Variants in F12 observed in about 807,000 individuals in gnomAD.
The protein encoded by F12 is Hageman factor.
A neutral mutation model predicts 74.8 loss-of-function variants in F12; 70 were observed. That is an observed-to-expected ratio of 0.94 (90% confidence interval 0.77 to 1.14). F12 has a LOEUF of 1.14. Among genes scored for constraint, F12 ranks in the 50% most tolerant of loss-of-function variants. The pLI, the probability that F12 is intolerant of heterozygous loss-of-function variation, is 0.00. For missense variants in F12, 811 were observed against 835.7 expected (o/e 0.97, Z 0.36); for synonymous variants, 373 against 356.4 (o/e 1.05, Z -0.52).
At chr5:177,406,458 C>T (rs1581659735) in intron 2 of F12, among the ~76,000 whole-genome samples, 1 of 151,934 alleles carries the variant, frequency 6.6e-6, no homozygotes, top group Non-Finnish European at 1.5e-5. Flanking sequence ...CACTGCACTC[C>T]AGCCTGGGTG....
rs776218268 is a variant in F12, at chr5:177,403,461, C to T, written c.1387+20G>A. Reference sequence around the variant, plus strand: ...GGGCCCCAAGCTCTCTTCCCGTCCCCGCGGGGCGCCCCCACGCACCCAGGT... The same window carrying T: ...GGGCCCCAAGCTCTCTTCCCGTCCCTGCGGGGCGCCCCCACGCACCCAGGT... On this transcript the variant is annotated intron_variant, in intron 11 of 13. Coordinates refer to ENST00000253496, the MANE Select transcript of F12 (RefSeq NM_000505.4). The T allele has an allele frequency of 1.3e-6, 2 of 1,558,408 alleles. No individual in the cohort carries two copies. Among genetic ancestry groups the T allele is most frequent in the African/African-American group, 1.4e-5 (1 of 73,770 alleles).
intron 9 of F12, 40 bp downstream of exon 9, chr5:177,404,156 G>T: frequency 6.3e-7 from 1 of 1,577,388 alleles, no homozygotes. Context: ...AGCTCGCCCG[G>T]CGCCCTCTCG....
Position 177,403,596 on chromosome 5 carries a change from C to G in F12, c.1272G>C (p.Thr424=), listed in dbSNP as rs61737766. The G allele has an allele frequency of 8.7e-4, 1,404 of 1,605,790 alleles. 7 individuals are homozygous for G. The African/African-American group carries it at 0.016, about 18-fold the overall frequency. ...TACGGCGTTCCTGGCCGAGCACCACCGTCAGATCCTCGGGTGCGGGCCTGC... is the reference window on the plus strand; with the variant it reads ...TACGGCGTTCCTGGCCGAGCACCACGGTCAGATCCTCGGGTGCGGGCCTGC... ...LQDRPAPEDL[T]VVLGQERRNH... Residue 424 remains threonine, a synonymous_variant, in exon 11 of 14, where the codon ACG becomes ACC. Transcript: ENST00000253496.
intron 3 of F12, 63 bp downstream of exon 3, chr5:177,405,899 C>A: frequency 6.3e-7 from 1 of 1,597,430 alleles, no homozygotes; most frequent in Non-Finnish European, 8.6e-7. Context: ...GTTCCTTGGA[C>A]AGAAGGACAG....
In F12 at chr5:177,406,033, G is replaced by A. The variant is rs1581659212; in HGVS notation, c.144C>T (p.His48=). Residue 48 remains histidine (H), a synonymous_variant, in exon 3 of 14, where the codon CAC becomes CAT. Coordinates refer to ENST00000253496, the MANE Select transcript of F12 (RefSeq NM_000505.4). ...GCTGCCGGTGGTACTGGAAGGGGAA[G>A]TGGCAGGGCTCCCCGGTGACAGTGA... is the stretch of plus-strand genomic sequence containing the variant. ...VVLTVTGEPC[H]FPFQYHRQLY... is the part of the protein sequence containing the mutation. 1 of 1,614,116 alleles carries A rather than the reference G, an allele frequency of 6.2e-7. No individual in the cohort carries two copies.
intron 2 of F12, 135 bp from the exon 3 acceptor site, chr5:177,406,196 G>C: frequency 1.2e-6 from 1 of 848,730 alleles, no homozygotes; most frequent in South Asian, 1.4e-5. Context: ...TGCTCTAAAA[G>C]TTGGGTTCAG....
chr5:177,402,556 C>G lies in F12; in HGVS notation c.1674G>C (p.Ala558=). The change falls in exon 13 of 14, where the codon GCG becomes GCC. Residue 558 remains alanine (A), a synonymous_variant. Transcript: ENST00000253496. ...CAGFLEGGTD[A]CQGDSGGPLV... ...AACCGGGCTAAGAGCTCACCTGGCACGCATCGGTGCCGCCCTCGAGGAACC... is the reference window on the plus strand; with the variant it reads ...AACCGGGCTAAGAGCTCACCTGGCAGGCATCGGTGCCGCCCTCGAGGAACC... 6.2e-7 allele frequency: 1 copy of G among 1,611,236 alleles called. No homozygotes were observed.
chr5:177,406,097 GT>G (rs747850653), intron 2 of F12, 36 bp from the exon 3 acceptor site: 2 of 1,559,766 alleles, frequency 1.3e-6, no homozygotes, highest in African/African-American at 2.7e-5. Context: ...GACTTCCCCT[GT>G]ACTCAACTGC....
At chr5:177,406,884 C>T (rs1366412373) in intron 2 of F12, among the ~76,000 whole-genome samples, 2 of 152,324 alleles carry the variant, frequency 1.3e-5, no homozygotes, top group African/African-American at 4.8e-5. Flanking sequence ...CAAGGCGTCA[C>T]GCTGCTGCTG....
chr5:177,402,674 A>C lies in F12; in HGVS notation c.1556T>G (p.Leu519Arg), dbSNP rs369126483. 6.2e-7 allele frequency: 1 copy of C among 1,612,270 alleles called. No homozygotes were observed. Among genetic ancestry groups the C allele is most frequent in the Non-Finnish European group, 8.5e-7 (1 of 1,180,002 alleles). Reference protein sequence around the residue: ...FEGAEEYASFLQEAQVPFLSL... With the variant: ...FEGAEEYASFRQEAQVPFLSL... ...GAGGAACGGTACCTGCGCCTCCTGCAGGAAGCTGGCATATTCCTCCGCCCC... is the reference window on the plus strand; with the variant it reads ...GAGGAACGGTACCTGCGCCTCCTGCCGGAAGCTGGCATATTCCTCCGCCCC... The change falls in exon 13 of 14, where the codon CTG (leucine) becomes CGG (arginine). Residue 519 changes from leucine to arginine, a missense_variant. Physicochemically the swap from Leu to Arg is moderately radical, Grantham distance 102. Transcript: ENST00000253496.
chr5:177,404,433 C>G lies in F12; in HGVS notation c.801-20G>C, dbSNP rs752843409. 1.9e-6 allele frequency: 3 copies of G among 1,608,414 alleles called. No individual in the cohort carries two copies. Among genetic ancestry groups the G allele is most frequent in the Non-Finnish European group, 2.5e-6 (3 of 1,178,012 alleles). ...GGGTTCCTGTAGCCACACGACGGGG[C>G]GCCGTTAGAGCGCCGGGAGCCCGGA... On this transcript the variant is annotated intron_variant, in intron 8 of 13. Coordinates refer to ENST00000253496, the MANE Select transcript of F12 (RefSeq NM_000505.4).
chr5:177,405,991 G>T lies in F12; in HGVS notation c.186C>A (p.Thr62=). The change falls in exon 3 of 14, where the codon ACC becomes ACA. Residue 62 remains threonine (T), a synonymous_variant. Coordinates refer to ENST00000253496, the MANE Select transcript of F12 (RefSeq NM_000505.4). ...QYHRQLYHKC[T]HKGRPGPQPW... The stretch of plus-strand genomic sequence containing the variant: ...GCTGAGGGCCTGGCCGGCCCTTGTG[G>T]GTACATTTGTGGTACAGCTGCCGGT... 6.2e-7 allele frequency: 1 copy of T among 1,614,132 alleles called. No homozygotes were observed.
intron 2 of F12, among the ~76,000 whole-genome samples, chr5:177,407,502 G>A (rs1026413249): frequency 1.3e-5 from 2 of 152,114 alleles, no homozygotes; most frequent in African/African-American, 4.8e-5. Context: ...ATGCAAATGG[G>A]GGCCAGGCGC....
rs1354694272 is a variant in F12 at position 177,404,492 on chromosome 5, G to T, written c.800+7C>A. On this transcript the variant is annotated splice_region_variant and intron_variant, in intron 8 of 13. Transcript: ENST00000253496. ...GCGGAGGGGTCACCCAGCCCCACGC[G>T]GCGCACCGGCAGAAGGCGTGGCCGC... The T allele has an allele frequency of 2.5e-6, 4 of 1,590,426 alleles. No homozygotes were observed. The highest frequency in any genetic ancestry group is 3.4e-6 in the Non-Finnish European group (4 of 1,168,958).
At chr5:177,403,140 A>G (rs907109353) in intron 12 of F12, 114 bp downstream of exon 12, 4 of 1,402,674 alleles carry the variant, frequency 2.9e-6, no homozygotes, top group African/African-American at 2.8e-5. Context: ...CCATCAGGTC[A>G]GCGCCACCCA....
chr5:177,406,255 A>G lies in F12; in HGVS notation c.116-194T>C, dbSNP rs17876026. Among the ~76,000 whole-genome samples, 2,979 of 152,258 alleles carry G rather than the reference A, an allele frequency of 0.02. 75 individuals are homozygous for G. The highest frequency in any genetic ancestry group is 0.058 in the African/African-American group (2,424 of 41,552). On this transcript the variant is annotated intron_variant, in intron 2 of 13. Coordinates refer to ENST00000253496, the MANE Select transcript of F12 (RefSeq NM_000505.4). ...TGTAATCCCAGCACTTTGGGAGGCC[A>G]AGGCGGGCAGATCACGAGGTCAGGA... is the stretch of plus-strand genomic sequence containing the variant.
chr5:177,402,526 G>T, intron 13 of F12, 24 bp downstream of exon 13: 1 of 1,605,584 alleles, frequency 6.2e-7, no homozygotes, highest in Non-Finnish European at 8.5e-7. Flanking sequence ...TCGGGGAAGG[G>T]CGCCAACCGG....
intron 1 of F12, 29 bp downstream of exon 1, chr5:177,409,441 TG>T (rs1561643527): frequency 3.1e-6 from 5 of 1,612,092 alleles, no homozygotes; most frequent in Non-Finnish European, 4.2e-6. Context: ...AGAACAATCC[TG>T]GGACAATCCT....
intron 2 of F12, among the ~76,000 whole-genome samples, chr5:177,406,402 T>G (rs997296749): frequency 1.3e-5 from 2 of 151,736 alleles, no homozygotes; most frequent in African/African-American, 4.8e-5. Context: ...GGCAGGAGAA[T>G]GGTGTGAACC....
Sources: gnomAD v4.1 joint callset for allele counts (sites outside exome capture counted in the v4.1 genomes callset) on GRCh38, gnomAD v4.1.1 for gene constraint, MANE v1.5 for transcripts, NCBI Gene and HGNC (gene_info 2026-07-23, HGNC 2026-07-21) for gene names.